PPP2CB: variants seen among roughly 807,000 people sequenced by gnomAD.
The protein encoded by PPP2CB is serine/threonine-protein phosphatase 2A catalytic subunit beta isoform.
In PPP2CB, 18 loss-of-function variants were observed where a neutral mutation model predicts 39.1. The observed-to-expected ratio is 0.46, with a 90% CI of 0.32 to 0.68. The LOEUF (loss-of-function observed/expected upper bound fraction) is 0.68. Among genes scored for constraint, PPP2CB ranks in the 30% least tolerant of loss-of-function variants. The pLI is 0.04. For missense variants in PPP2CB, 226 were observed against 396.9 expected (o/e 0.57, Z 3.66); for synonymous variants, 129 against 133.8 (o/e 0.96, Z 0.25).
At chr8:30,790,488 T>C (rs78789106) in intron 6 of PPP2CB, among the ~76,000 whole-genome samples, 10,879 of 152,288 alleles carry the variant, frequency 0.071, 485 homozygotes, top group African/African-American at 0.1. Flanking sequence ...ATCACCTAAG[T>C]AAGATAAGTC....
Position 30,812,314 on chromosome 8 carries a change from C to T in PPP2CB, c.102+6G>A, listed in dbSNP as rs761526739. 3 of 1,521,234 alleles carry T rather than the reference C, an allele frequency of 2.0e-6. No homozygotes were observed. The highest frequency in any genetic ancestry group is 2.6e-5 in the East Asian group (1 of 38,244). The allele number at this position is 1,521,234 out of a possible 1,614,324, so 94.2% of individuals were successfully genotyped here. ...GCTCCCGCACTCGCCCCCGCGGCGC[C>T]CTCACCTTCTCGCACAGCGTCCGCA... On this transcript the variant is annotated splice_donor_region_variant and intron_variant, in intron 1 of 6. Coordinates refer to ENST00000221138, the MANE Select transcript of PPP2CB (RefSeq NM_001009552.2).
At chr8:30,800,737 C>A (rs1236075538) in intron 1 of PPP2CB, among the ~76,000 whole-genome samples, 1 of 152,204 alleles carries the variant, frequency 6.6e-6, no homozygotes, top group African/African-American at 2.4e-5. Flanking sequence ...CCAGAAGAGA[C>A]TCTCAGGCCT....
chr8:30,800,047 C>T (rs987278017), intron 1 of PPP2CB, among the ~76,000 whole-genome samples: 2 of 152,150 alleles, frequency 1.3e-5, no homozygotes, highest in African/African-American at 4.8e-5. Flanking sequence ...CTAAAATTAC[C>T]ATGTAATCCA....
chr8:30,791,104 C>T (rs1806420475), intron 6 of PPP2CB, 93 bp downstream of exon 6: 2 of 790,454 alleles, frequency 2.5e-6, no homozygotes, highest in South Asian at 1.9e-5. Flanking sequence ...TTGCTATACT[C>T]CTCATCCAAT....
chr8:30,792,360 C>T (rs1806452744), intron 5 of PPP2CB, among the ~76,000 whole-genome samples: 1 of 150,870 alleles, frequency 6.6e-6, no homozygotes, highest in African/African-American at 2.4e-5. Flanking sequence ...AGCTCATTAG[C>T]TATATTTTTG....
chr8:30,808,613 C>T, intron 1 of PPP2CB, among the ~76,000 whole-genome samples: 1 of 152,154 alleles, frequency 6.6e-6, no homozygotes, highest in East Asian at 1.9e-4. Context: ...ATGCCTGCTA[C>T]TCTTGCCCTA....
intron 1 of PPP2CB, among the ~76,000 whole-genome samples, chr8:30,810,510 T>A (rs1460965236): frequency 6.6e-6 from 1 of 152,190 alleles, no homozygotes; most frequent in Non-Finnish European, 1.5e-5. Flanking sequence ...ACTAACACTT[T>A]ACCCATAACT....
chr8:30,797,891 T>TA, intron 2 of PPP2CB, 137 bp from the exon 3 acceptor site: 3 of 834,792 alleles, frequency 3.6e-6, no homozygotes, highest in Non-Finnish European at 5.4e-6. Flanking sequence ...AGTTTCAAAA[T>TA]AAAAAACTTG....
chr8:30,790,422 G>C (rs1245246342), intron 6 of PPP2CB, among the ~76,000 whole-genome samples: 2 of 152,176 alleles, frequency 1.3e-5, no homozygotes, highest in South Asian at 2.1e-4. Flanking sequence ...CCTCTTAATT[G>C]GTCTCCACCA....
chr8:30,794,349 T>C (rs1211449261), intron 3 of PPP2CB, 68 bp from the exon 4 acceptor site: 12 of 1,347,728 alleles, frequency 8.9e-6, no homozygotes, highest in Non-Finnish European at 1.3e-5. Flanking sequence ...AAAGAGTAAA[T>C]AATGGTTAAA....
At chr8:30,790,971 T>C in intron 6 of PPP2CB, 2 of 408,692 alleles carry the variant, frequency 4.9e-6, no homozygotes, top group Non-Finnish European at 8.6e-6. Context: ...TTTAGTAGGT[T>C]TTCTTGAATT....
chr8:30,797,789 A>C, intron 2 of PPP2CB, 35 bp from the exon 3 acceptor site: 1 of 1,595,708 alleles, frequency 6.3e-7, no homozygotes, highest in Middle Eastern at 1.9e-4. Context: ...TAGTAAAATC[A>C]CATTTTTACT....
chr8:30,800,460 A>C (rs2128761767), intron 1 of PPP2CB, among the ~76,000 whole-genome samples: 1 of 152,360 alleles, frequency 6.6e-6, no homozygotes, highest in African/African-American at 2.4e-5. Flanking sequence ...AAACATTCTT[A>C]CACCAATTCA....
chr8:30,806,334 G>A (rs548710929), intron 1 of PPP2CB, among the ~76,000 whole-genome samples: 8 of 152,054 alleles, frequency 5.3e-5, no homozygotes, highest in Admixed American at 2.0e-4. Context: ...GATTACAGGC[G>A]CGAACCACCA....
intron 6 of PPP2CB, among the ~76,000 whole-genome samples, chr8:30,787,145 A>G (rs562812151): frequency 1.2e-4 from 18 of 152,164 alleles, no homozygotes; most frequent in Non-Finnish European, 1.2e-4. Flanking sequence ...CATGGTGTAT[A>G]ATCTTTTTAC....
At chr8:30,809,557 A>AT (rs765299975) in intron 1 of PPP2CB, among the ~76,000 whole-genome samples, 7 of 152,156 alleles carry the variant, frequency 4.6e-5, no homozygotes, top group Non-Finnish European at 8.8e-5. Flanking sequence ...TTTCCAACCC[A>AT]TTGGCAACTC....
intron 1 of PPP2CB, among the ~76,000 whole-genome samples, chr8:30,803,684 C>T (rs930729397): frequency 4.6e-5 from 7 of 152,106 alleles, no homozygotes; most frequent in African/African-American, 1.7e-4. Context: ...GATGGACAAT[C>T]AGACTATACA....
intron 3 of PPP2CB, among the ~76,000 whole-genome samples, chr8:30,795,569 C>A (rs2128761074): frequency 6.6e-6 from 1 of 152,078 alleles, no homozygotes; most frequent in South Asian, 2.1e-4. Context: ...TCTGTGCGTG[C>A]CACGTCTGGT....
At chr8:30,800,932 C>T (rs138046533) in intron 1 of PPP2CB, among the ~76,000 whole-genome samples, 4 of 152,230 alleles carry the variant, frequency 2.6e-5, no homozygotes, top group Non-Finnish European at 5.9e-5. Context: ...GGCAGCCTGG[C>T]GCGGTGGCTC....
Sources: gnomAD v4.1 joint callset for allele counts (sites outside exome capture counted in the v4.1 genomes callset) on GRCh38, gnomAD v4.1.1 for gene constraint, MANE v1.5 for transcripts, NCBI Gene and HGNC (gene_info 2026-07-23, HGNC 2026-07-21) for gene names.